Variants in EPM2A observed in about 807,000 individuals in gnomAD.
The protein encoded by EPM2A is laforin.
A neutral mutation model predicts 26.5 loss-of-function variants in EPM2A; 21 were observed. The observed-to-expected ratio is 0.79, with a 90% CI of 0.56 to 1.14. The LOEUF (loss-of-function observed/expected upper bound fraction) is 1.14. Among genes scored for constraint, EPM2A ranks in the 50% most tolerant of loss-of-function variants. EPM2A has a pLI of 0.00. For missense variants in EPM2A, 458 were observed against 440.8 expected (o/e 1.04, Z -0.35); for synonymous variants, 217 against 177.6 (o/e 1.22, Z -1.76).
intron 1 of EPM2A, among the ~76,000 whole-genome samples, chr6:145,694,372 G>T (rs1264254087): frequency 1.3e-5 from 2 of 151,922 alleles, no homozygotes; most frequent in Admixed American, 6.6e-5. Context: ...TCTTCTAATG[G>T]CAAAAACAAA....
At chr6:145,530,957 T>C (rs369804498) in intron 2 of EPM2A, among the ~76,000 whole-genome samples, 1 of 152,182 alleles carries the variant, frequency 6.6e-6, no homozygotes, top group Non-Finnish European at 1.5e-5. Flanking sequence ...AAAAAGTATA[T>C]AACTAAATCT....
intron 4 of EPM2A, among the ~76,000 whole-genome samples, chr6:145,435,061 C>T (rs1269016516): frequency 6.6e-6 from 1 of 152,150 alleles, no homozygotes; most frequent in African/African-American, 2.4e-5. Context: ...CTGAGGCCTC[C>T]TCAGAAGCCA....
At chr6:145,510,841 C>T (rs1228561899) in intron 2 of EPM2A, among the ~76,000 whole-genome samples, 1 of 151,890 alleles carries the variant, frequency 6.6e-6, no homozygotes, top group African/African-American at 2.4e-5. Context: ...ACAAGATTGA[C>T]AGACCACTAG....
chr6:145,729,193 A>G (rs1303653103), intron 1 of EPM2A, among the ~76,000 whole-genome samples: 1 of 152,230 alleles, frequency 6.6e-6, no homozygotes, highest in Admixed American at 6.5e-5. Context: ...CAGAGCCCTC[A>G]GTGAGAACCT....
intron 2 of EPM2A, among the ~76,000 whole-genome samples, chr6:145,549,879 G>A (rs1448017398): frequency 1.3e-5 from 2 of 152,082 alleles, no homozygotes; most frequent in Non-Finnish European, 2.9e-5. Context: ...GCTTCCTCAT[G>A]TACCACACAC....
At chr6:145,490,291 T>A in intron 4 of EPM2A, 1 of 1,455,880 alleles carries the variant, frequency 6.9e-7, no homozygotes, top group Non-Finnish European at 9.3e-7. Flanking sequence ...CCAAGTGATC[T>A]TTGAACTGGT....
At chr6:145,706,915 G>A (rs1782254356) in intron 1 of EPM2A, among the ~76,000 whole-genome samples, 1 of 152,140 alleles carries the variant, frequency 6.6e-6, no homozygotes, top group Non-Finnish European at 1.5e-5. Flanking sequence ...TTTGGAAAAT[G>A]ATTAAGTCAT....
intron 2 of EPM2A, among the ~76,000 whole-genome samples, chr6:145,595,644 T>C (rs1781333054): frequency 6.6e-6 from 1 of 152,076 alleles, no homozygotes; most frequent in Admixed American, 6.5e-5. Context: ...TATGGGAGGG[T>C]TTAGCCAATT....
intron 4 of EPM2A, among the ~76,000 whole-genome samples, chr6:145,494,317 T>G (rs1427562323): frequency 1.3e-5 from 2 of 152,108 alleles, no homozygotes; most frequent in Non-Finnish European, 2.9e-5. Flanking sequence ...TTTCTGTGGG[T>G]TCAGTGGTAA....
chr6:145,704,311 AT>A (rs1562505415), intron 1 of EPM2A, among the ~76,000 whole-genome samples: 1 of 152,172 alleles, frequency 6.6e-6, no homozygotes, highest in Non-Finnish European at 1.5e-5. Flanking sequence ...TAGTTATCAA[AT>A]TTTTTTCTAT....
rs566907102 is a variant in EPM2A at position 145,394,731 on chromosome 6, A to G, written c.556-10634T>C. On this transcript the variant is annotated intron_variant, in intron 4 of 4. Transcript: ENST00000638717. ...TTCTAACACTCAGTGTCTCTCAGCT[A>G]TGGGTCTCTGTCGTGCCTTTTTCAG... Among the ~76,000 whole-genome samples, 14 of 152,210 alleles carry G rather than the reference A, an allele frequency of 9.2e-5. No homozygotes were observed. The South Asian group carries it at 2.7e-3, about 29-fold the overall frequency.
intron 4 of EPM2A, among the ~76,000 whole-genome samples, chr6:145,482,262 AT>A (rs1361962169): frequency 6.6e-6 from 1 of 152,174 alleles, no homozygotes; most frequent in Non-Finnish European, 1.5e-5. Flanking sequence ...CCACTCAGCA[AT>A]TTTTTCCAGC....
chr6:145,559,145 T>C (rs1449565612), intron 2 of EPM2A, among the ~76,000 whole-genome samples: 1 of 152,132 alleles, frequency 6.6e-6, no homozygotes, highest in Non-Finnish European at 1.5e-5. Flanking sequence ...TAGAAGTGAA[T>C]CAATCCCAGT....
chr6:145,385,408 A>G (rs1778245285), intron 4 of EPM2A, among the ~76,000 whole-genome samples: 1 of 152,142 alleles, frequency 6.6e-6, no homozygotes, highest in African/African-American at 2.4e-5. Flanking sequence ...AAAAAATAAA[A>G]AAAGGTCATT....
chr6:145,393,946 C>T (rs1449996212), intron 4 of EPM2A, among the ~76,000 whole-genome samples: 1 of 151,892 alleles, frequency 6.6e-6, no homozygotes, highest in Non-Finnish European at 1.5e-5. Context: ...GCCTCAGCCT[C>T]CCAAGCAGCT....
At chr6:145,674,711 A>T (rs1779897084) in intron 2 of EPM2A, among the ~76,000 whole-genome samples, 1 of 152,092 alleles carries the variant, frequency 6.6e-6, no homozygotes, top group Non-Finnish European at 1.5e-5. Flanking sequence ...CAAATTAATG[A>T]AATAAAGTAA....
rs201917957 is a variant in EPM2A at position 145,559,672 on chromosome 6, CTTT to C, written c.341-57100_341-57098del. On this transcript the variant is annotated intron_variant, in intron 2 of 3. Transcript: ENST00000450221. ...GGCTCCTTTCCAATAATACTTTCTC[CTTT>C]TTTTTTTTTTTTTTTTTAAAATGGT... 4.2e-3 allele frequency among the ~76,000 whole-genome samples: 589 copies of C among 138,672 alleles called. 2 individuals are homozygous for C. The highest frequency in any genetic ancestry group is 9.6e-3 in the African/African-American group (359 of 37,580). 91.0% of individuals were successfully genotyped at this position (138,672 alleles called of 152,430 possible). A position where few individuals can be genotyped will look rare whatever the true frequency, so the allele number is the denominator to read the frequency against.
At chr6:145,632,572 T>C (rs371621907) in intron 3 of EPM2A, among the ~76,000 whole-genome samples, 18 of 152,200 alleles carry the variant, frequency 1.2e-4, no homozygotes, top group East Asian at 9.6e-4. Flanking sequence ...ATTCCACATA[T>C]GACAAAAGCA....
At chr6:145,540,957 T>G (rs931943464) in intron 2 of EPM2A, among the ~76,000 whole-genome samples, 1 of 152,060 alleles carries the variant, frequency 6.6e-6, no homozygotes, top group Non-Finnish European at 1.5e-5. Context: ...AAATATAAAT[T>G]TTGGCCTATA....
Sources: gnomAD v4.1 joint callset for allele counts (sites outside exome capture counted in the v4.1 genomes callset) on GRCh38, gnomAD v4.1.1 for gene constraint, MANE v1.5 for transcripts, NCBI Gene and HGNC (gene_info 2026-07-23, HGNC 2026-07-21) for gene names.